NEK5: variants seen among roughly 807,000 people sequenced by gnomAD.
NEK5 encodes serine/threonine-protein kinase Nek5.
In NEK5, 88 loss-of-function variants were observed where a neutral mutation model predicts 109.2. The observed-to-expected ratio is 0.81, with a 90% confidence interval of 0.68 to 0.96. The LOEUF (loss-of-function observed/expected upper bound fraction) is 0.96. Among genes scored for constraint, NEK5 ranks in the 40% least tolerant of loss-of-function variants. The pLI is 0.00. For missense variants in NEK5, 834 were observed against 920.7 expected, an observed-to-expected ratio of 0.91 and a Z score of 1.22; for synonymous variants, 283 against 299.9, an observed-to-expected ratio of 0.94 and a Z score of 0.58.
chr13:52,123,629 A>G (rs993315092), intron 3 of NEK5, among the ~76,000 whole-genome samples: 3 of 152,220 alleles, frequency 2.0e-5, no homozygotes, highest in Non-Finnish European at 2.9e-5. Flanking sequence ...TGTGTGGAAT[A>G]CCAGCACAAA....
chr13:52,072,790 A>G (rs1954804857), intron 19 of NEK5, among the ~76,000 whole-genome samples: 1 of 152,270 alleles, frequency 6.6e-6, no homozygotes, highest in African/African-American at 2.4e-5. Flanking sequence ...AATAAAGAAC[A>G]TTAAATAAAA....
intron 20 of NEK5, among the ~76,000 whole-genome samples, chr13:52,068,045 GT>G (rs1490228281): frequency 1.3e-5 from 2 of 151,972 alleles, no homozygotes; most frequent in Admixed American, 1.3e-4. Flanking sequence ...CCCCTAGCCA[GT>G]CAGCATACTA....
chr13:52,060,278 T>C (rs1008863989), intron 22 of NEK5, among the ~76,000 whole-genome samples: 7 of 152,224 alleles, frequency 4.6e-5, no homozygotes, highest in African/African-American at 1.7e-4. Context: ...TTATAAAATG[T>C]GTATTCATTA....
chr13:52,083,861 G>T (rs925965291), intron 16 of NEK5, among the ~76,000 whole-genome samples: 11 of 152,018 alleles, frequency 7.2e-5, no homozygotes, highest in African/African-American at 2.7e-4. Flanking sequence ...TTTTTGCAGG[G>T]CTCAGGCTGC....
intron 9 of NEK5, among the ~76,000 whole-genome samples, chr13:52,103,940 T>C (rs1311057771): frequency 6.6e-6 from 1 of 152,188 alleles, no homozygotes; most frequent in African/African-American, 2.4e-5. Flanking sequence ...TTGCTGAACG[T>C]ATCTATTCAT....
Position 52,112,326 on chromosome 13 carries a change from C to A in NEK5, c.254G>T (p.Gly85Val). 1 of 1,610,740 alleles carries A rather than the reference C, an allele frequency of 6.2e-7. No homozygotes were observed. The highest frequency in any genetic ancestry group is 8.5e-7 in the Non-Finnish European group (1 of 1,177,066). The change falls in exon 5 of 24, where the codon GGA becomes GTA. Residue 85 changes from glycine (G) to valine (V), a missense_variant. Coordinates refer to ENST00000684899, the MANE Select transcript of NEK5 (RefSeq NM_001365552.1). ...RLFIVMEYCDGGDLMKRINRQ... is the reference protein window; with the variant it reads ...RLFIVMEYCDVGDLMKRINRQ... ...ATTGATCCTTTTCATGAGATCCCCT[C>A]CATCACAATATTCCATTACAATAAA...
intron 19 of NEK5, among the ~76,000 whole-genome samples, chr13:52,073,180 A>T (rs1954810098): frequency 6.6e-6 from 1 of 152,222 alleles, no homozygotes; most frequent in African/African-American, 2.4e-5. Flanking sequence ...AATTAATATT[A>T]TGAGTAAAAT....
intron 17 of NEK5, among the ~76,000 whole-genome samples, chr13:52,079,668 C>T (rs576247379): frequency 6.6e-6 from 1 of 152,236 alleles, no homozygotes; most frequent in African/African-American, 2.4e-5. Flanking sequence ...ACCTCCCACC[C>T]GCCTGCCTTG....
At chr13:52,104,135 T>A (rs778607594) in intron 9 of NEK5, among the ~76,000 whole-genome samples, 18 of 152,104 alleles carry the variant, frequency 1.2e-4, no homozygotes, top group Admixed American at 3.3e-4. Context: ...AATTTTTGTA[T>A]TTTTAGTAGA....
chr13:52,102,315 C>A, intron 9 of NEK5, 23 bp from the exon 10 acceptor site: 1 of 1,570,278 alleles, frequency 6.4e-7, no homozygotes, highest in Non-Finnish European at 8.8e-7. Flanking sequence ...GGAGAAATGA[C>A]ACTAAATCAG....
chr13:52,115,601 CAAAAAAAAAAAAA>C (rs71088014), intron 4 of NEK5, among the ~76,000 whole-genome samples: 5 of 49,224 alleles, frequency 1.0e-4, no homozygotes, highest in Non-Finnish European at 9.8e-5. Context: ...GAGACTCCGT[CAAAAAAAAAAAAA>C]AAAAAAAAAA....
chr13:52,113,694 T>C (rs1437308216), intron 4 of NEK5, among the ~76,000 whole-genome samples: 2 of 152,140 alleles, frequency 1.3e-5, no homozygotes, highest in African/African-American at 4.8e-5. Flanking sequence ...TGTTAAAATA[T>C]GTCTGTATAA....
At chr13:52,078,438 T>C (rs1954907351) in intron 17 of NEK5, among the ~76,000 whole-genome samples, 1 of 151,742 alleles carries the variant, frequency 6.6e-6, no homozygotes, top group Non-Finnish European at 1.5e-5. Context: ...GAGAGAGGAG[T>C]TTACAAAAGG....
chr13:52,125,297 C>T (rs369832991), intron 3 of NEK5, among the ~76,000 whole-genome samples: 1 of 152,216 alleles, frequency 6.6e-6, no homozygotes, highest in East Asian at 1.9e-4. Context: ...GGTGTGGTGG[C>T]TCATGCCTGT....
intron 22 of NEK5, among the ~76,000 whole-genome samples, chr13:52,050,887 T>C (rs1391334735): frequency 6.6e-6 from 1 of 151,630 alleles, no homozygotes; most frequent in Non-Finnish European, 1.5e-5. Flanking sequence ...ACCTGGCTAA[T>C]TTTTGTATTT....
rs972422669 is a variant in NEK5 at position 52,034,150 on chromosome 13, C to T, written c.*2798G>A. 6.6e-6 allele frequency: 1 copy of T among 152,168 alleles called. No homozygotes were observed. Among genetic ancestry groups the T allele is most frequent in the Admixed American group, 6.5e-5 (1 of 15,272 alleles). 9.4% of individuals were successfully genotyped at this position (152,168 alleles called of 1,614,324 possible). A position where few individuals can be genotyped will look rare whatever the true frequency, so the allele number is the denominator to read the frequency against. On this transcript the variant is annotated 3_prime_UTR_variant, in exon 24 of 24. Transcript: ENST00000684899. The stretch of plus-strand genomic sequence containing the variant: ...AATGATCAATTTGATAGCTATCATA[C>T]ATGGCTAGCAAGACACTGATTTTTC...
intron 14 of NEK5, among the ~76,000 whole-genome samples, chr13:52,088,323 C>T (rs986484575): frequency 7.3e-5 from 11 of 151,714 alleles, no homozygotes; most frequent in African/African-American, 2.2e-4. Flanking sequence ...AGGGCGATCT[C>T]GGCTCACTGC....
At chr13:52,084,293 A>G (rs139211832) in intron 16 of NEK5, among the ~76,000 whole-genome samples, 2,378 of 152,046 alleles carry the variant, frequency 0.016, 73 homozygotes, top group Admixed American at 0.081. Context: ...TGCAGTGGAA[A>G]AATCACAGTT....
intron 13 of NEK5, among the ~76,000 whole-genome samples, chr13:52,090,007 G>C (rs1955244720): frequency 6.6e-6 from 1 of 152,048 alleles, no homozygotes; most frequent in Non-Finnish European, 1.5e-5. Flanking sequence ...AAGAATGGCT[G>C]CATATCTGTT....
Sources: allele counts gnomAD v4.1 joint callset (sites outside exome capture counted in the v4.1 genomes callset), GRCh38; gene constraint gnomAD v4.1.1; transcripts MANE v1.5; gene names NCBI Gene and HGNC (gene_info 2026-07-23, HGNC 2026-07-21).